The following CETP variants were observed in gnomAD, a reference collection of about 807,000 sequenced individuals.
CETP encodes the protein cholesteryl ester transfer protein.
Under a neutral mutation model 66.5 loss-of-function variants are expected in CETP, and 56 were observed. That is an observed-to-expected ratio of 0.84 (90% confidence interval 0.68 to 1.05). CETP has a LOEUF of 1.05. Among genes scored for constraint, CETP ranks in the 50% least tolerant of loss-of-function variants. The pLI is 0.00. For missense variants in CETP, 612 were observed against 609.6 expected, an observed-to-expected ratio of 1.00 and a Z score of -0.04; for synonymous variants, 251 against 245.7, an observed-to-expected ratio of 1.02 and a Z score of -0.20.
intron 2 of CETP, among the ~76,000 whole-genome samples, chr16:56,963,425 G>A (rs2056040255): frequency 7.0e-6 from 1 of 142,322 alleles, no homozygotes; most frequent in Non-Finnish European, 1.5e-5. Flanking sequence ...GGGGGGTAGG[G>A]TAGAAAAATC....
In CETP at chr16:56,969,693, G is replaced by T; in HGVS notation, c.439+12G>T. 1.9e-6 allele frequency: 3 copies of T among 1,613,496 alleles called. No individual in the cohort carries two copies. ...CAACACACAGCTGAGTATGTGTCAA[G>T]CGTCCTCTGGGGAAGTGGGAGCTGG... On this transcript the variant is annotated intron_variant, in intron 4 of 15. Transcript: ENST00000200676.
intron 10 of CETP, among the ~76,000 whole-genome samples, chr16:56,977,019 G>A (rs1270508970): frequency 1.3e-5 from 2 of 151,922 alleles, no homozygotes; most frequent in Admixed American, 6.6e-5. Flanking sequence ...AGCAATTCTC[G>A]TGCCTCAGCC....
At chr16:56,970,467 G>A (rs554473628) in intron 5 of CETP, among the ~76,000 whole-genome samples, 63 of 152,296 alleles carry the variant, frequency 4.1e-4, no homozygotes, top group African/African-American at 1.4e-3. Flanking sequence ...CACACAACTC[G>A]CCACTAAGGG....
In CETP at chr16:56,972,115, A is replaced by G. The variant is rs373044343; in HGVS notation, c.750+32A>G. On this transcript the variant is annotated intron_variant, in intron 8 of 15. Transcript: ENST00000200676. ...GTTGTGGGAGGGTGGGGCAGGGCCC[A>G]GCTTCCCCAGGGGAGTTGGTCCTTT... 20 of 1,557,258 alleles carry G rather than the reference A, an allele frequency of 1.3e-5. No homozygotes were observed. In the Admixed American group the frequency reaches 2.2e-4, roughly 17 times the overall value.
In CETP at chr16:56,962,121, C is replaced by T. The variant is rs529396716; in HGVS notation, c.118+24C>T. 3.8e-6 allele frequency: 6 copies of T among 1,588,774 alleles called. No individual in the cohort carries two copies. In the East Asian group the frequency reaches 1.1e-4, roughly 30 times the overall value. On this transcript the variant is annotated intron_variant, in intron 1 of 15. Coordinates refer to ENST00000200676, the MANE Select transcript of CETP (RefSeq NM_000078.3). ...GTGTAAGTATCAGTGCATCTGTCTGCCCTGCCAGGGGTCTTTTCATGGACA... is the reference window on the plus strand; with the variant it reads ...GTGTAAGTATCAGTGCATCTGTCTGTCCTGCCAGGGGTCTTTTCATGGACA...
At chr16:56,962,358 C>T (rs2056030063) in intron 1 of CETP, 1 of 694,930 alleles carries the variant, frequency 1.4e-6, no homozygotes, top group South Asian at 1.4e-5. Context: ...TGTCTGAGAC[C>T]CAGAATCACT....
Position 56,982,172 on chromosome 16 carries a change from C to G in CETP, c.1256C>G (p.Ser419Cys), listed in dbSNP as rs1280366041. The part of the protein sequence containing the change: ...KTVSNLTESS[S>C]ESVQSFLQSM... ...TGGGCATTTGATTGGCAGAGCAGCT[C>G]CGAGTCCGTCCAGAGCTTCCTGCAG... Residue 419 changes from serine (S) to cysteine (C), a missense_variant, in exon 14 of 16, where the codon TCC becomes TGC. Physicochemically the swap from Ser to Cys is moderately radical, Grantham distance 112 (BLOSUM62 -1). Coordinates refer to ENST00000200676, the MANE Select transcript of CETP (RefSeq NM_000078.3). 3.1e-6 allele frequency: 5 copies of G among 1,613,996 alleles called. No individual in the cohort carries two copies. Among genetic ancestry groups the G allele is most frequent in the Non-Finnish European group, 4.2e-6 (5 of 1,180,028 alleles).
At position 56,981,423 on chromosome 16, in the gene CETP, GCTGCCAGGAAGA is replaced by G. The variant is rs11276066; in HGVS notation, c.1214+199_1214+210del. 0.82 allele frequency among the ~76,000 whole-genome samples: 125,316 copies of G among 152,072 alleles called. 52,054 individuals carry two copies. Among genetic ancestry groups the G allele is most frequent in the Middle Eastern group, 0.88 (256 of 292 alleles). On this transcript the variant is annotated intron_variant, in intron 12 of 15. Transcript: ENST00000200676. ...GAAGGGGCTCCAGGAAGAATGGAGG[GCTGCCAGGAAGA>G]AGGGCCTGGCAGGAGGAGAGCGCTG...
At chr16:56,981,250 G>A (rs778505895) in intron 12 of CETP, 25 bp downstream of exon 12, 5 of 1,581,950 alleles carry the variant, frequency 3.2e-6, no homozygotes, top group Non-Finnish European at 4.3e-6. Context: ...GAAGAGAGGG[G>A]GCGGTCAACT....
chr16:56,965,137 G>C (rs1162750596), intron 2 of CETP, among the ~76,000 whole-genome samples: 1 of 152,202 alleles, frequency 6.6e-6, no homozygotes, highest in Non-Finnish European at 1.5e-5. Context: ...TGTGTTGCAA[G>C]AGGTCAGACA....
intron 11 of CETP, 96 bp downstream of exon 11, chr16:56,978,351 C>T: frequency 7.0e-7 from 1 of 1,424,346 alleles, no homozygotes; most frequent in Non-Finnish European, 9.9e-7. Flanking sequence ...GCCTCCAGAT[C>T]CTTCTCACCA....
In CETP at chr16:56,962,033, C is replaced by T. The variant is rs200386961; in HGVS notation, c.54C>T (p.Cys18=). 2 of 1,614,164 alleles carry T rather than the reference C, an allele frequency of 1.2e-6. No homozygotes were observed. The highest frequency in any genetic ancestry group is 2.2e-5 in the East Asian group (1 of 44,890). ...CCCTGCTGGGCAATGCCCATGCCTGCTCCAAAGGCACCTCGCACGAGGCAG... is the reference window on the plus strand; with the variant it reads ...CCCTGCTGGGCAATGCCCATGCCTGTTCCAAAGGCACCTCGCACGAGGCAG... ...TLALLGNAHA[C]SKGTSHEAGI... The change falls in exon 1 of 16, where the codon TGC becomes TGT. Residue 18 remains cysteine (C), a synonymous_variant. Transcript: ENST00000200676.
Position 56,970,065 on chromosome 16 carries a change from T to C in CETP, c.527+64T>C, listed in dbSNP as rs891142. 1,473,699 of 1,483,896 alleles carry C rather than the reference T, an allele frequency of 0.99. 732,106 individuals carry two copies. The highest frequency in any genetic ancestry group is 1 in the Non-Finnish European group (1,083,212 of 1,084,040). 91.9% of individuals were successfully genotyped at this position (1,483,896 alleles called of 1,614,324 possible). A position where few individuals can be genotyped will look rare whatever the true frequency, so the allele number is the denominator to read the frequency against. Reference sequence around the variant, plus strand: ...CCCATCCTGTTAGTGTGTCCACGGCTCCTTCCAGGCTCAACCCCACACAGG... The same window carrying C: ...CCCATCCTGTTAGTGTGTCCACGGCCCCTTCCAGGCTCAACCCCACACAGG... On this transcript the variant is annotated intron_variant, in intron 5 of 15. Coordinates refer to ENST00000200676, the MANE Select transcript of CETP (RefSeq NM_000078.3).
At chr16:56,963,990 TTTTATTTATTTATTTATTTATTTATTTA>T (rs60705829) in intron 2 of CETP, among the ~76,000 whole-genome samples, 7 of 132,398 alleles carry the variant, frequency 5.3e-5, no homozygotes, top group South Asian at 2.6e-4. Flanking sequence ...TTAATCTTTA[TTTTATTTATTTATTTATTTATTTATTTA>T]TTTATTTATT....
At chr16:56,967,952 C>T (rs1596997505) in intron 2 of CETP, among the ~76,000 whole-genome samples, 2 of 141,426 alleles carry the variant, frequency 1.4e-5, no homozygotes, top group Non-Finnish European at 3.0e-5. Context: ...GAGAGCCACC[C>T]TATCTCAAAC....
At position 56,969,622 on chromosome 16, in the gene CETP, A is replaced by T; in HGVS notation, c.380A>T (p.Asp127Val). The change falls in exon 4 of 16, where the codon GAT becomes GTT. Residue 127 changes from aspartate to valine, a missense_variant. Transcript: ENST00000200676. ...GYTTAWWLGI[D>V]QSIDFEIDSA... ...TTGGCTCTTTCCAGGCTGGGTATTG[A>T]TCAGTCCATTGACTTCGAGATCGAC... The T allele has an allele frequency of 6.2e-7, 1 of 1,614,156 alleles. No individual in the cohort carries two copies. Among genetic ancestry groups the T allele is most frequent in the South Asian group, 1.1e-5 (1 of 91,088 alleles).
intron 2 of CETP, 82 bp from the exon 3 acceptor site, chr16:56,969,304 T>TAGGA: frequency 6.3e-7 from 1 of 1,584,526 alleles, no homozygotes; most frequent in South Asian, 1.1e-5. Context: ...TCTTCCACCC[T>TAGGA]CGCCTAGACA....
Position 56,973,407 on chromosome 16 carries a change from G to A in CETP, c.827G>A (p.Arg276His), listed in dbSNP as rs750662640. 5 of 1,614,030 alleles carry A rather than the reference G, an allele frequency of 3.1e-6. No homozygotes were observed. The highest frequency in any genetic ancestry group is 1.1e-5 in the South Asian group (1 of 91,086). Residue 276 changes from arginine (R) to histidine (H), a missense_variant, in exon 9 of 16, where the codon CGC (arginine) becomes CAC (histidine). Arg to His is a conservative substitution (Grantham distance 29). Transcript: ENST00000200676. ...TCGCCCACACTGCTGGGGGACTCCCGCATGCTGTACTTCTGGTTCTCTGAG... is the reference window on the plus strand; with the variant it reads ...TCGCCCACACTGCTGGGGGACTCCCACATGCTGTACTTCTGGTTCTCTGAG... Reference protein sequence around the residue: ...TFSPTLLGDSRMLYFWFSERV... With the variant: ...TFSPTLLGDSHMLYFWFSERV...
At chr16:56,967,349 A>C (rs78368937) in intron 2 of CETP, among the ~76,000 whole-genome samples, 13 of 97,116 alleles carry the variant, frequency 1.3e-4, no homozygotes, top group South Asian at 3.4e-4. Flanking sequence ...CTGTCACACA[A>C]ACAAACAAAC....
Sources: gnomAD v4.1 joint callset for allele counts (sites outside exome capture counted in the v4.1 genomes callset) on GRCh38, gnomAD v4.1.1 for gene constraint, MANE v1.5 for transcripts, NCBI Gene and HGNC (gene_info 2026-07-23, HGNC 2026-07-21) for gene names.